The following NUP93 variants were observed in gnomAD, a reference collection of about 807,000 sequenced individuals.
NUP93 encodes nucleoporin 93, also known as nuclear pore complex protein Nup93.
In NUP93, 55 loss-of-function variants were observed where a neutral mutation model predicts 107.8. That is an observed-to-expected ratio of 0.51 (90% CI 0.41 to 0.64). NUP93 has a LOEUF of 0.64. Ranked by LOEUF, NUP93 falls within the 30% of genes least tolerant of loss-of-function variation. NUP93 has a pLI of 0.00. For synonymous variants in NUP93, 390 were observed against 397.5 expected (o/e 0.98, Z 0.22); for missense variants, 937 against 1,044.7 (o/e 0.90, Z 1.42).
intron 5 of NUP93, among the ~76,000 whole-genome samples, chr16:56,808,022 A>AAAAAATATATATAAATATATATATTTCT (rs1370284696): frequency 9.9e-4 from 145 of 146,120 alleles, no homozygotes; most frequent in African/African-American, 2.9e-3. Flanking sequence ...ACTCCGTCTC[A>AAAAAATATATATAAATATATATATTTCT]AAAAATATAT....
rs888881866 is a variant in NUP93, at chr16:56,836,634, A to C, written c.1816A>C (p.Lys606Gln). The part of the protein sequence containing the change: ...GVIDKFTSDT[K>Q]PIINKVASVA... ...CATAGATAAGTTTACTAGTGACACA[A>C]AGCCTATTATCAACAAAGTTGCTTC... Residue 606 changes from lysine to glutamine, a missense_variant, in exon 17 of 22, where the codon AAG becomes CAG. Physicochemically the swap from Lys to Gln is moderately conservative, Grantham distance 53. Coordinates refer to ENST00000308159, the MANE Select transcript of NUP93 (RefSeq NM_014669.5). 6.2e-7 allele frequency: 1 copy of C among 1,614,006 alleles called. No individual in the cohort carries two copies. Among genetic ancestry groups the C allele is most frequent in the Non-Finnish European group, 8.5e-7 (1 of 1,179,884 alleles).
chr16:56,759,009 C>T (rs373244836), intron 3 of NUP93, among the ~76,000 whole-genome samples: 8 of 152,150 alleles, frequency 5.3e-5, no homozygotes, highest in Non-Finnish European at 7.3e-5. Flanking sequence ...TTTTACTATT[C>T]GTCTTCCACA....
chr16:56,746,377 C>T (rs934846200), intron 1 of NUP93, among the ~76,000 whole-genome samples: 15 of 152,196 alleles, frequency 9.9e-5, no homozygotes, highest in Admixed American at 5.2e-4. Flanking sequence ...CTTCCTAATT[C>T]TCTCATCTCC....
chr16:56,752,555 A>C (rs1409920936), intron 2 of NUP93, among the ~76,000 whole-genome samples: 5 of 152,180 alleles, frequency 3.3e-5, no homozygotes, highest in Admixed American at 6.5e-5. Flanking sequence ...CAGAAGACTT[A>C]ATAGTAAGAT....
chr16:56,734,912 C>A (rs1460256400), intron 1 of NUP93, among the ~76,000 whole-genome samples: 2 of 152,186 alleles, frequency 1.3e-5, no homozygotes, highest in African/African-American at 4.8e-5. Context: ...ATGCACCCTA[C>A]TGTCTGTGCC....
intron 3 of NUP93, among the ~76,000 whole-genome samples, chr16:56,791,116 T>C (rs374336487): frequency 2.6e-5 from 4 of 152,214 alleles, no homozygotes; most frequent in African/African-American, 9.6e-5. Flanking sequence ...ACCAGATACC[T>C]TCTGGTAAAT....
intron 2 of NUP93, among the ~76,000 whole-genome samples, chr16:56,756,236 C>A (rs1343043814): frequency 2.7e-5 from 4 of 147,856 alleles, no homozygotes; most frequent in African/African-American, 1.0e-4. Context: ...ATCAACCTGT[C>A]ATCTAGGTTT....
intron 3 of NUP93, among the ~76,000 whole-genome samples, chr16:56,785,528 A>G (rs1962607460): frequency 6.6e-6 from 1 of 152,192 alleles, no homozygotes; most frequent in Non-Finnish European, 1.5e-5. Context: ...TTTTGCAACA[A>G]AAAATGTATT....
intron 1 of NUP93, among the ~76,000 whole-genome samples, chr16:56,744,849 G>A (rs993650991): frequency 6.6e-6 from 1 of 152,198 alleles, no homozygotes; most frequent in Non-Finnish European, 1.5e-5. Flanking sequence ...ATACCAACTG[G>A]AAGGGAATGT....
At chr16:56,765,004 ATC>A (rs1423099720) in intron 3 of NUP93, among the ~76,000 whole-genome samples, 2 of 152,252 alleles carry the variant, frequency 1.3e-5, no homozygotes, top group Non-Finnish European at 2.9e-5. Context: ...TAAGAGTTGC[ATC>A]TGTTTGCCTA....
chr16:56,842,475 T>C, intron 21 of NUP93: 2 of 399,874 alleles, frequency 5.0e-6, no homozygotes, highest in South Asian at 3.9e-5. Flanking sequence ...TCACAGCATA[T>C]GTTGTCTGAT....
At chr16:56,839,200 A>C (rs1963971578) in intron 19 of NUP93, 131 bp downstream of exon 19, 1 of 568,322 alleles carries the variant, frequency 1.8e-6, no homozygotes, top group Non-Finnish European at 3.0e-6. Flanking sequence ...AGACAAGTAC[A>C]ATCCTGGGAC....
intron 1 of NUP93, among the ~76,000 whole-genome samples, chr16:56,737,666 G>A (rs1291971183): frequency 1.3e-5 from 2 of 151,212 alleles, no homozygotes; most frequent in African/African-American, 4.9e-5. Context: ...AGCTCATTGT[G>A]ATGTCTGTGA....
At chr16:56,759,040 T>G (rs1008803313) in intron 3 of NUP93, among the ~76,000 whole-genome samples, 41 of 152,356 alleles carry the variant, frequency 2.7e-4, no homozygotes, top group African/African-American at 9.6e-4. Flanking sequence ...ACATCTTGCT[T>G]GTATTGGTTG....
At chr16:56,743,656 A>G (rs1480670253) in intron 1 of NUP93, among the ~76,000 whole-genome samples, 1 of 152,180 alleles carries the variant, frequency 6.6e-6, no homozygotes, top group Non-Finnish European at 1.5e-5. Context: ...TAGATTGACT[A>G]ATTTTCTGAA....
intron 5 of NUP93, among the ~76,000 whole-genome samples, chr16:56,816,159 T>G (rs191200303): frequency 1.3e-4 from 20 of 152,356 alleles, no homozygotes; most frequent in Non-Finnish European, 2.6e-4. Flanking sequence ...ACCTGTAAGA[T>G]GGATAAATAA....
At chr16:56,792,798 TCTC>T (rs1374400150) in intron 3 of NUP93, among the ~76,000 whole-genome samples, 6 of 152,220 alleles carry the variant, frequency 3.9e-5, no homozygotes, top group Non-Finnish European at 5.9e-5. Context: ...GAAATTTTAC[TCTC>T]CTCCTGGGTT....
At chr16:56,766,190 C>T (rs1962213103) in intron 3 of NUP93, among the ~76,000 whole-genome samples, 1 of 152,126 alleles carries the variant, frequency 6.6e-6, no homozygotes, top group Non-Finnish European at 1.5e-5. Context: ...TTTCTTATAT[C>T]CTGTAGTGAG....
At position 56,758,050 on chromosome 16, in the gene NUP93, G is replaced by A. The variant is rs532803460; in HGVS notation, c.180-488G>A. Among the ~76,000 whole-genome samples the A allele has an allele frequency of 2.9e-4, 43 of 150,202 alleles. No individual in the cohort carries two copies. In the South Asian group the frequency reaches 8.5e-3, roughly 30 times the overall value. ...CATGCCACTGCAATCCAGTCTGGAC[G>A]ACAGAGTGACACTCTGTCTCAGAAA... On this transcript the variant is annotated intron_variant, in intron 2 of 21. Transcript: ENST00000308159.
Sources: gnomAD v4.1 joint callset for allele counts (sites outside exome capture counted in the v4.1 genomes callset) on GRCh38, gnomAD v4.1.1 for gene constraint, MANE v1.5 for transcripts, NCBI Gene and HGNC (gene_info 2026-07-23, HGNC 2026-07-21) for gene names.